The following ARID1B variants were observed in gnomAD, a reference collection of about 807,000 sequenced individuals.
ARID1B encodes AT-rich interactive domain-containing protein 1B.
A neutral mutation model predicts 212.3 loss-of-function variants in ARID1B; 30 were observed. That is an observed-to-expected ratio of 0.14 (90% CI 0.11 to 0.19). The LOEUF (loss-of-function observed/expected upper bound fraction) is 0.19, where lower values mean the gene tolerates loss of function less well. Among genes scored for constraint, ARID1B ranks in the 10% least tolerant of loss-of-function variants. ARID1B has a pLI of 1.00. For synonymous variants in ARID1B, 1,402 were observed against 1,301.7 expected (o/e 1.08, Z -1.66); for missense variants, 2,891 against 3,204.0 (o/e 0.90, Z 2.36).
chr6:157,195,351 G>A (rs1793643571), intron 15 of ARID1B: 4 of 152,196 alleles, frequency 2.6e-5, no homozygotes, highest in African/African-American at 9.7e-5. Context: ...CCGTTTTCTT[G>A]TTGACTATCT....
At chr6:157,039,609 GCTAC>G (rs750708995) in intron 4 of ARID1B, among the ~76,000 whole-genome samples, 48 of 139,028 alleles carry the variant, frequency 3.5e-4, no homozygotes, top group African/African-American at 6.7e-4. Context: ...AATTCCAAAA[GCTAC>G]CTACCTTCCT....
At chr6:156,966,381 C>CTTTTCTTTTCTTTTCTT (rs1794743618) in intron 4 of ARID1B, among the ~76,000 whole-genome samples, 1 of 89,436 alleles carries the variant, frequency 1.1e-5, no homozygotes, top group African/African-American at 3.8e-5. Flanking sequence ...CTTTTCTTTT[C>CTTTTCTTTTCTTTTCTT]TTTTCTTTTT....
chr6:156,854,734 G>T (rs1224406092), intron 2 of ARID1B, among the ~76,000 whole-genome samples: 17 of 152,248 alleles, frequency 1.1e-4, no homozygotes, highest in Admixed American at 1.1e-3. Context: ...CTATTTGCTT[G>T]TTGTGTTTGA....
chr6:156,975,129 A>G lies in ARID1B; in HGVS notation c.2247+39553A>G, dbSNP rs145800631. 4.6e-3 allele frequency among the ~76,000 whole-genome samples: 694 copies of G among 152,268 alleles called. 8 individuals are homozygous for G. The highest frequency in any genetic ancestry group is 0.016 in the African/African-American group (657 of 41,542). Reference sequence around the variant, plus strand: ...TTTCCAAATGACTGAACCATTTTACATTCTTATAAGCGGTGTTCCTCTCCA... The same window carrying G: ...TTTCCAAATGACTGAACCATTTTACGTTCTTATAAGCGGTGTTCCTCTCCA... On this transcript the variant is annotated intron_variant, in intron 4 of 19. Transcript: ENST00000636930.
chr6:156,828,289 C>A (rs565761541), intron 1 of ARID1B, among the ~76,000 whole-genome samples: 1 of 151,978 alleles, frequency 6.6e-6, no homozygotes, highest in Non-Finnish European at 1.5e-5. Context: ...TTGAATTTAC[C>A]CTGCTAATTC....
intron 2 of ARID1B, among the ~76,000 whole-genome samples, chr6:156,865,663 GACTTTTA>G (rs926874907): frequency 7.9e-5 from 12 of 151,836 alleles, no homozygotes; most frequent in Non-Finnish European, 1.6e-4. Context: ...TCTCATACTA[GACTTTTA>G]ACTTTATCTC....
intron 2 of ARID1B, 138 bp from the exon 3 acceptor site, chr6:156,901,238 A>G (rs1485481509): frequency 3.0e-6 from 3 of 992,396 alleles, no homozygotes; most frequent in Non-Finnish European, 4.5e-6. Context: ...CGATTTGTTT[A>G]AGGAAGAGAG....
chr6:156,883,261 A>G (rs776948806), intron 2 of ARID1B, among the ~76,000 whole-genome samples: 55 of 152,182 alleles, frequency 3.6e-4, no homozygotes, highest in Admixed American at 5.2e-4. Flanking sequence ...AATTTCTTCT[A>G]ATTGTTTCTC....
chr6:157,100,993 T>C (rs1390062985), intron 5 of ARID1B, among the ~76,000 whole-genome samples: 1 of 152,168 alleles, frequency 6.6e-6, no homozygotes, highest in Non-Finnish European at 1.5e-5. Context: ...AGTCAGATGG[T>C]GGCAGGTGAG....
rs951434152 is a variant in ARID1B, at chr6:157,067,517, C to CT, written c.2248-17136dup. On this transcript the variant is annotated intron_variant, in intron 4 of 19. Transcript: ENST00000636930. ...GGGCTGCATCTTGCCCATAGGGCCA[C>CT]TTTTTTTTTGCTTCTCGCGAAGGTT... Among the ~76,000 whole-genome samples the CT allele has an allele frequency of 3.3e-5, 5 of 151,468 alleles. No homozygotes were observed. In the South Asian group the frequency reaches 6.3e-4, roughly 19 times the overall value.
chr6:156,793,204 G>A (rs1235231378), intron 1 of ARID1B, among the ~76,000 whole-genome samples: 2 of 152,154 alleles, frequency 1.3e-5, no homozygotes, highest in Admixed American at 6.5e-5. Flanking sequence ...GAAGAAGCAA[G>A]GCAGGTGTGT....
In ARID1B at chr6:156,801,090, T is replaced by A. The variant is rs191087862; in HGVS notation, c.1791+21619T>A. Among the ~76,000 whole-genome samples, 88 of 152,264 alleles carry A rather than the reference T, an allele frequency of 5.8e-4. No homozygotes were observed. In the South Asian group the frequency reaches 6.2e-3, roughly 11 times the overall value. On this transcript the variant is annotated intron_variant, in intron 1 of 19. Transcript: ENST00000636930. ...ACTCTTGAGTTGCATCTTGTAGTAT[T>A]TATAACAATTTAAACCTACTAGTAC...
intron 4 of ARID1B, among the ~76,000 whole-genome samples, chr6:156,946,389 T>TAAATA (rs1431391111): frequency 6.6e-6 from 1 of 151,128 alleles, no homozygotes; most frequent in African/African-American, 2.4e-5. Context: ...AAAAAATAAA[T>TAAATA]AATAAATAAA....
intron 8 of ARID1B, among the ~76,000 whole-genome samples, chr6:157,161,918 A>G (rs1790971348): frequency 1.3e-5 from 2 of 152,156 alleles, no homozygotes; most frequent in African/African-American, 4.8e-5. Flanking sequence ...TCATTTTCCC[A>G]ATAAAGTGTG....
At chr6:156,845,088 A>ATTTG in intron 2 of ARID1B, among the ~76,000 whole-genome samples, 1 of 151,998 alleles carries the variant, frequency 6.6e-6, no homozygotes, top group Non-Finnish European at 1.5e-5. Flanking sequence ...GTAATTTAGG[A>ATTTG]GACATCTTCA....
intron 2 of ARID1B, among the ~76,000 whole-genome samples, chr6:156,873,850 C>G (rs1786334841): frequency 6.6e-6 from 1 of 152,198 alleles, no homozygotes; most frequent in Admixed American, 6.5e-5. Context: ...GTGCCCCCAG[C>G]CCAACCTGTC....
chr6:157,174,850 A>G lies in ARID1B; in HGVS notation c.3349A>G (p.Ser1117Gly), dbSNP rs763525655. ...TPQPESKSKD[S>G]YSSQGISQPP... is the part of the protein sequence containing the mutation. Reference sequence around the variant, plus strand: ...TTTTTTTATTCCTCTACCACAGGATAGCTACAGCTCTCAGGGTATTTCTCA... The same window carrying G: ...TTTTTTTATTCCTCTACCACAGGATGGCTACAGCTCTCAGGGTATTTCTCA... Residue 1117 changes from serine (S) to glycine (G), a missense_variant, in exon 11 of 20, where the codon AGC becomes GGC. Physicochemically the swap from Ser to Gly is moderately conservative, Grantham distance 56. Around this residue, in one of 7 missense-constraint regions of ARID1B, gnomAD observed 1,643 missense variants for 1,544.0 expected, o/e 1.06. Coordinates refer to ENST00000636930, the MANE Select transcript of ARID1B (RefSeq NM_001374828.1). 1 of 1,531,612 alleles carries G rather than the reference A, an allele frequency of 6.5e-7. No individual in the cohort carries two copies. 94.9% of individuals were successfully genotyped at this position (1,531,612 alleles called of 1,614,324 possible).
intron 2 of ARID1B, among the ~76,000 whole-genome samples, chr6:156,858,364 A>G (rs1185496787): frequency 6.6e-6 from 1 of 152,248 alleles, no homozygotes; most frequent in African/African-American, 2.4e-5. Context: ...AAAATCACTG[A>G]AAGATTGGAA....
At chr6:157,136,792 G>A (rs568083947) in intron 7 of ARID1B, among the ~76,000 whole-genome samples, 9 of 152,200 alleles carry the variant, frequency 5.9e-5, no homozygotes, top group East Asian at 5.8e-4. Flanking sequence ...AACCCGGGAC[G>A]TGGAGGCTGC....
Sources: allele counts gnomAD v4.1 joint callset (sites outside exome capture counted in the v4.1 genomes callset), GRCh38; gene constraint gnomAD v4.1.1; regional missense constraint gnomAD v4.1.1; transcripts MANE v1.5; gene names NCBI Gene and HGNC (gene_info 2026-07-23, HGNC 2026-07-21).